Variants in LDAH observed in about 807,000 individuals in gnomAD.
LDAH encodes the protein lipid droplet-associated hydrolase.
In LDAH, 26 loss-of-function variants were observed where a neutral mutation model predicts 29.6. That is an observed-to-expected ratio of 0.88 (90% CI 0.64 to 1.22). The LOEUF (loss-of-function observed/expected upper bound fraction) is 1.22. LDAH is among the 50% of genes most tolerant of loss of function. The probability of loss-of-function intolerance (pLI) is 0.00; values close to 1 mark genes in which losing one functional copy is unlikely to be tolerated. For synonymous variants in LDAH, 117 were observed against 133.0 expected, an observed-to-expected ratio of 0.88 and a Z score of 0.83; for missense variants, 344 against 387.3, an observed-to-expected ratio of 0.89 and a Z score of 0.94.
intron 4 of LDAH, among the ~76,000 whole-genome samples, chr2:20,750,545 G>T (rs989041513): frequency 2.0e-5 from 3 of 152,128 alleles, no homozygotes; most frequent in African/African-American, 7.2e-5. Flanking sequence ...TAACTCAATG[G>T]CTCTAGACAG....
chr2:20,799,484 T>A (rs1233680152), intron 2 of LDAH, among the ~76,000 whole-genome samples: 1 of 152,228 alleles, frequency 6.6e-6, no homozygotes, highest in Non-Finnish European at 1.5e-5. Flanking sequence ...CATTTCTATG[T>A]GTTGAGAAAA....
intron 5 of LDAH, among the ~76,000 whole-genome samples, chr2:20,713,316 A>C (rs554633868): frequency 6.6e-6 from 1 of 152,332 alleles, no homozygotes; most frequent in South Asian, 2.1e-4. Flanking sequence ...GAGAAATAAA[A>C]TCCTTTACAG....
chr2:20,785,861 G>C (rs1054175919), intron 3 of LDAH, among the ~76,000 whole-genome samples: 1 of 151,988 alleles, frequency 6.6e-6, no homozygotes, highest in Non-Finnish European at 1.5e-5. Flanking sequence ...ATTTCCTTTT[G>C]ATTCTTTCTT....
chr2:20,797,622 A>C (rs777979162), intron 2 of LDAH, among the ~76,000 whole-genome samples: 1 of 152,178 alleles, frequency 6.6e-6, no homozygotes, highest in Non-Finnish European at 1.5e-5. Context: ...CCTCTGGATA[A>C]GCCCCAGCTC....
intron 3 of LDAH, among the ~76,000 whole-genome samples, chr2:20,776,161 G>A (rs76532287): frequency 8.2e-4 from 125 of 152,282 alleles, no homozygotes; most frequent in Middle Eastern, 3.4e-3. Flanking sequence ...GGGAATTACA[G>A]TCGGTATGGC....
intron 6 of LDAH, among the ~76,000 whole-genome samples, chr2:20,694,336 A>C (rs1663265603): frequency 6.6e-6 from 1 of 152,192 alleles, no homozygotes; most frequent in South Asian, 2.1e-4. Context: ...TGTAAGCCCC[A>C]ATCTTGCAAT....
intron 1 of LDAH, among the ~76,000 whole-genome samples, chr2:20,821,342 A>G (rs910744617): frequency 5.9e-5 from 9 of 152,218 alleles, no homozygotes; most frequent in African/African-American, 2.2e-4. Context: ...CACTACTTAC[A>G]ATAGCAAAGA....
downstream of LDAH, among the ~76,000 whole-genome samples, chr2:20,682,617 A>C (rs1021882623): frequency 3.9e-5 from 6 of 152,240 alleles, no homozygotes; most frequent in Non-Finnish European, 8.8e-5. Context: ...GCAAGAGAGC[A>C]TGAGAGAACA....
At chr2:20,704,612 GATTT>G (rs1303706459) in intron 5 of LDAH, among the ~76,000 whole-genome samples, 1 of 152,170 alleles carries the variant, frequency 6.6e-6, no homozygotes, top group Non-Finnish European at 1.5e-5. Flanking sequence ...GTATGGTACA[GATTT>G]ATTTGAAAAG....
intron 1 of LDAH, among the ~76,000 whole-genome samples, chr2:20,808,091 C>T (rs1345072764): frequency 6.6e-6 from 1 of 152,060 alleles, no homozygotes; most frequent in Non-Finnish European, 1.5e-5. Context: ...CTTATAACAG[C>T]ATCAAAAAAA....
chr2:20,775,232 A>G (rs1669727312), intron 3 of LDAH, among the ~76,000 whole-genome samples: 1 of 152,250 alleles, frequency 6.6e-6, no homozygotes, highest in African/African-American at 2.4e-5. Flanking sequence ...AATAGTCACA[A>G]ACTTATTAAG....
chr2:20,783,258 T>A (rs1670328834), intron 3 of LDAH, among the ~76,000 whole-genome samples: 1 of 152,236 alleles, frequency 6.6e-6, no homozygotes, highest in Non-Finnish European at 1.5e-5. Context: ...TCTTGGTGAA[T>A]GCTCCATGTG....
intron 5 of LDAH, 62 bp from the exon 6 acceptor site, chr2:20,701,714 T>C (rs1449797070): frequency 6.3e-6 from 9 of 1,424,348 alleles, no homozygotes; most frequent in African/African-American, 1.4e-5. Flanking sequence ...AAATTTCAAA[T>C]TAATTTTAGT....
intron 3 of LDAH, among the ~76,000 whole-genome samples, chr2:20,776,131 A>G (rs1669809041): frequency 6.6e-6 from 1 of 152,190 alleles, no homozygotes. Context: ...TCTTGCTCTC[A>G]TGACTTGCAA....
chr2:20,768,138 C>T (rs562028209), intron 4 of LDAH, among the ~76,000 whole-genome samples: 3 of 152,328 alleles, frequency 2.0e-5, no homozygotes, highest in Admixed American at 1.3e-4. Flanking sequence ...TCTTCCTGGT[C>T]GCAGAACAAG....
At chr2:20,808,711 T>A (rs1319090585) in intron 1 of LDAH, among the ~76,000 whole-genome samples, 1 of 149,162 alleles carries the variant, frequency 6.7e-6, no homozygotes, top group Admixed American at 6.7e-5. Flanking sequence ...AACCACAAAG[T>A]TGGAGGACTT....
intron 1 of LDAH, among the ~76,000 whole-genome samples, chr2:20,806,061 C>T (rs1275246144): frequency 1.3e-5 from 2 of 152,028 alleles, no homozygotes; most frequent in African/African-American, 4.8e-5. Flanking sequence ...CTGCTTTATT[C>T]ATGTAAGAAC....
intron 4 of LDAH, among the ~76,000 whole-genome samples, chr2:20,757,789 C>CT (rs879391237): frequency 7.7e-4 from 114 of 147,144 alleles, no homozygotes; most frequent in East Asian, 1.6e-3. Flanking sequence ...CAAGCTAGGA[C>CT]TTTTTTTTTT....
At chr2:20,729,339 T>C (rs769103522) in intron 5 of LDAH, among the ~76,000 whole-genome samples, 1 of 152,190 alleles carries the variant, frequency 6.6e-6, no homozygotes. Flanking sequence ...CTTGATTATA[T>C]GTTATATGTG....
Sources: allele counts gnomAD v4.1 joint callset (sites outside exome capture counted in the v4.1 genomes callset), GRCh38; gene constraint gnomAD v4.1.1; transcripts MANE v1.5; gene names NCBI Gene and HGNC (gene_info 2026-07-23, HGNC 2026-07-21).